The following KIAA1549L variants were observed in gnomAD, a reference collection of about 807,000 sequenced individuals.
KIAA1549L encodes the protein KIAA1549 like.
KIAA1549L carries 88 observed loss-of-function variants against 160.7 expected under a neutral mutation model. The observed-to-expected ratio is 0.55, with a 90% CI of 0.46 to 0.65. KIAA1549L has a LOEUF of 0.65. Ranked by LOEUF, KIAA1549L falls within the 30% of genes least tolerant of loss-of-function variation. The pLI, the probability that KIAA1549L is intolerant of heterozygous loss-of-function variation, is 0.00. For missense variants in KIAA1549L, 2,258 were observed against 2,437.5 expected, an observed-to-expected ratio of 0.93 and a Z score of 1.55; for synonymous variants, 950 against 976.7, an observed-to-expected ratio of 0.97 and a Z score of 0.51.
chr11:33,661,048 A>G (rs1852245260), intron 20 of KIAA1549L, 34 bp downstream of exon 20: 5 of 1,574,142 alleles, frequency 3.2e-6, no homozygotes, highest in Non-Finnish European at 4.3e-6. Context: ...ATAAAACTTT[A>G]CCTGCTTAAC....
intron 1 of KIAA1549L, among the ~76,000 whole-genome samples, chr11:33,397,966 T>A (rs1850421180): frequency 6.9e-6 from 1 of 144,694 alleles, no homozygotes; most frequent in East Asian, 2.2e-4. Context: ...TATGGTTGCC[T>A]AGGCTGGAGT....
At chr11:33,400,330 G>C (rs1360073108) in intron 1 of KIAA1549L, among the ~76,000 whole-genome samples, 1 of 152,138 alleles carries the variant, frequency 6.6e-6, no homozygotes, top group Non-Finnish European at 1.5e-5. Flanking sequence ...AAGTATCCAG[G>C]CACAAAATAA....
At chr11:33,557,823 G>C (rs1475270190) in intron 6 of KIAA1549L, among the ~76,000 whole-genome samples, 3 of 152,130 alleles carry the variant, frequency 2.0e-5, no homozygotes, top group Non-Finnish European at 4.4e-5. Context: ...GGAGTTCAAG[G>C]GTTCAGTGAG....
At position 33,622,740 on chromosome 11, in the gene KIAA1549L, A is replaced by G. The variant is rs140650843; in HGVS notation, c.5409+4078A>G. Among the ~76,000 whole-genome samples the G allele has an allele frequency of 1.1e-4, 16 of 152,368 alleles. No individual in the cohort carries two copies. In the East Asian group the frequency reaches 3.1e-3, roughly 29 times the overall value. On this transcript the variant is annotated intron_variant, in intron 16 of 20. Transcript: ENST00000658780. Reference sequence around the variant, plus strand: ...ATTACCTCCACGGCAGGCACCAGGCAAAAGCGAGAGGAGAGAAAAATTACC... The same window carrying G: ...ATTACCTCCACGGCAGGCACCAGGCGAAAGCGAGAGGAGAGAAAAATTACC...
intron 1 of KIAA1549L, chr11:33,403,416 CACAG>C (rs1253213699): frequency 1.3e-5 from 2 of 151,528 alleles, no homozygotes; most frequent in Non-Finnish European, 2.9e-5. Context: ...CACACAGACA[CACAG>C]ACACGCACAC....
chr11:33,600,377 C>T (rs1032995952), intron 13 of KIAA1549L, among the ~76,000 whole-genome samples: 28 of 152,238 alleles, frequency 1.8e-4, no homozygotes, highest in African/African-American at 5.5e-4. Context: ...TCTCTTTCTT[C>T]CTAGGATGAG....
intron 11 of KIAA1549L, among the ~76,000 whole-genome samples, chr11:33,586,823 A>G (rs1849893504): frequency 6.6e-6 from 1 of 152,132 alleles, no homozygotes; most frequent in Admixed American, 6.5e-5. Flanking sequence ...CTTTATCTGT[A>G]AACTGGGAAC....
In KIAA1549L at chr11:33,622,886, C is replaced by T. The variant is rs540727236; in HGVS notation, c.5409+4224C>T. Among the ~76,000 whole-genome samples the T allele has an allele frequency of 4.6e-5, 7 of 152,284 alleles. No individual in the cohort carries two copies. The South Asian group carries it at 6.2e-4, about 14-fold the overall frequency. ...AACAGCCTGCTGAGGAAGGCCTGGG[C>T]GCGTTGTCTGATGTCAAGCCTATAG... is the stretch of plus-strand genomic sequence containing the variant. On this transcript the variant is annotated intron_variant, in intron 16 of 20. Coordinates refer to ENST00000658780, the MANE Select transcript of KIAA1549L (RefSeq NM_012194.3).
chr11:33,645,643 G>A, intron 16 of KIAA1549L, 43 bp from the exon 17 acceptor site: 1 of 1,433,548 alleles, frequency 7.0e-7, no homozygotes, highest in Admixed American at 1.7e-5. Flanking sequence ...ACCTTCACGG[G>A]AAGGAAAGTA....
At chr11:33,520,570 T>C (rs1436376587) in intron 1 of KIAA1549L, among the ~76,000 whole-genome samples, 1 of 151,952 alleles carries the variant, frequency 6.6e-6, no homozygotes, top group African/African-American at 2.4e-5. Flanking sequence ...AACAAAACAA[T>C]AGCTACACAT....
chr11:33,630,423 A>G (rs1003924696), intron 16 of KIAA1549L, among the ~76,000 whole-genome samples: 6 of 152,252 alleles, frequency 3.9e-5, no homozygotes, highest in South Asian at 2.1e-4. Context: ...TGTGCTAGCA[A>G]TCAGCGAGAC....
chr11:33,584,958 C>T (rs374262262), intron 11 of KIAA1549L, among the ~76,000 whole-genome samples: 9 of 152,328 alleles, frequency 5.9e-5, no homozygotes, highest in African/African-American at 2.2e-4. Flanking sequence ...ATCGTCCTTG[C>T]GGGGGTCACG....
intron 1 of KIAA1549L, among the ~76,000 whole-genome samples, chr11:33,440,736 G>A (rs527934263): frequency 2.6e-5 from 4 of 152,034 alleles, no homozygotes; most frequent in East Asian, 1.9e-4. Context: ...ATATTCCTTC[G>A]GGCATCTCAG....
At chr11:33,484,688 G>C (rs1852484204) in intron 1 of KIAA1549L, among the ~76,000 whole-genome samples, 1 of 152,292 alleles carries the variant, frequency 6.6e-6, no homozygotes. Context: ...GTTAGCGTCT[G>C]CTGGTGTGGA....
In KIAA1549L at chr11:33,589,196, C is replaced by G. The variant is rs531366235; in HGVS notation, c.4567-2041C>G. 2.6e-4 allele frequency among the ~76,000 whole-genome samples: 40 copies of G among 152,270 alleles called. No homozygotes were observed. The East Asian group carries it at 7.3e-3, about 28-fold the overall frequency. The stretch of plus-strand genomic sequence containing the variant: ...CACTGGCCATCAGAGAAATGCAAAT[C>G]AAAACCACAATGAGATATCATCTCA... On this transcript the variant is annotated intron_variant, in intron 11 of 20. Coordinates refer to ENST00000658780, the MANE Select transcript of KIAA1549L (RefSeq NM_012194.3).
chr11:33,578,788 G>A (rs7102647), intron 10 of KIAA1549L, among the ~76,000 whole-genome samples: 2 of 151,950 alleles, frequency 1.3e-5, no homozygotes, highest in Non-Finnish European at 2.9e-5. Context: ...CTTCCTTGGC[G>A]CCTGAGGCAC....
intron 1 of KIAA1549L, among the ~76,000 whole-genome samples, chr11:33,439,875 G>C (rs531765039): frequency 2.0e-5 from 3 of 151,724 alleles, no homozygotes; most frequent in South Asian, 4.2e-4. Context: ...CCAACTTTTT[G>C]ATATTTTTAT....
intron 15 of KIAA1549L, among the ~76,000 whole-genome samples, chr11:33,610,903 G>T (rs924014557): frequency 6.6e-6 from 1 of 152,224 alleles, no homozygotes; most frequent in African/African-American, 2.4e-5. Flanking sequence ...CATGGCAGAA[G>T]GCAGAGGGCA....
intron 1 of KIAA1549L, among the ~76,000 whole-genome samples, chr11:33,400,597 T>C (rs953926794): frequency 6.6e-6 from 1 of 152,196 alleles, no homozygotes; most frequent in Admixed American, 6.6e-5. Flanking sequence ...AAAGCAAAGT[T>C]GGCATTTTGC....
Sources: allele counts gnomAD v4.1 joint callset (sites outside exome capture counted in the v4.1 genomes callset), GRCh38; gene constraint gnomAD v4.1.1; transcripts MANE v1.5; gene names NCBI Gene and HGNC (gene_info 2026-07-23, HGNC 2026-07-21).